The following CLVS1 variants were observed in gnomAD, a reference collection of about 807,000 sequenced individuals.
The protein encoded by CLVS1 is clavesin-1.
A neutral mutation model predicts 33.1 loss-of-function variants in CLVS1; 10 were observed. The ratio of observed to expected loss-of-function variants is 0.30; its 90% confidence interval spans 0.19 to 0.51. The LOEUF is 0.51. CLVS1 is among the 20% of genes least tolerant of loss of function. The probability of loss-of-function intolerance (pLI) is 0.97; values close to 1 mark genes in which losing one functional copy is unlikely to be tolerated. For missense variants in CLVS1, 343 were observed against 433.4 expected, an observed-to-expected ratio of 0.79 and a Z score of 1.85; for synonymous variants, 163 against 166.1, an observed-to-expected ratio of 0.98 and a Z score of 0.14.
At chr8:60,976,133 C>T in the CLVS1 span, among the ~76,000 whole-genome samples, 6 of 152,018 alleles carry the variant, frequency 3.9e-5, no homozygotes, top group Non-Finnish European at 7.4e-5. Flanking sequence ...TTTTTCAATT[C>T]AAGTTACCAG....
At chr8:61,492,082 T>C (rs970876451) in intron 5 of CLVS1, among the ~76,000 whole-genome samples, 5 of 152,210 alleles carry the variant, frequency 3.3e-5, no homozygotes, top group Non-Finnish European at 7.3e-5. Context: ...TTAACATGAC[T>C]ATAGATTTCT....
chr8:61,474,932 G>T (rs531360010), intron 5 of CLVS1, among the ~76,000 whole-genome samples: 8 of 152,258 alleles, frequency 5.3e-5, no homozygotes. Context: ...ATCTCCTAAT[G>T]CTATCCCTCC....
intron 3 of CLVS1, among the ~76,000 whole-genome samples, chr8:61,430,993 C>T (rs1816091662): frequency 6.6e-6 from 1 of 152,096 alleles, no homozygotes; most frequent in African/African-American, 2.4e-5. Flanking sequence ...AAAAAGGAGA[C>T]AAAATAACTA....
chr8:61,356,677 T>A (rs1812721278), intron 2 of CLVS1, among the ~76,000 whole-genome samples: 1 of 152,206 alleles, frequency 6.6e-6, no homozygotes, highest in Admixed American at 6.5e-5. Flanking sequence ...AGGGAATCCT[T>A]TCCCCATTGT....
intron 3 of CLVS1, among the ~76,000 whole-genome samples, chr8:61,379,232 TG>T (rs1813768765): frequency 6.6e-6 from 1 of 152,140 alleles, no homozygotes; most frequent in East Asian, 1.9e-4. Context: ...AAAGTGGCCT[TG>T]TCAGGGGAAA....
chr8:61,303,545 T>C (rs1393226064), intron 2 of CLVS1, among the ~76,000 whole-genome samples: 2 of 152,228 alleles, frequency 1.3e-5, no homozygotes, highest in African/African-American at 4.8e-5. Flanking sequence ...ACTCTCCCAC[T>C]CCACATTTTT....
At chr8:61,202,743 G>A (rs1585685133) in intron 2 of CLVS1, 3 of 1,576,146 alleles carry the variant, frequency 1.9e-6, no homozygotes, top group South Asian at 2.2e-5. Context: ...AAGAGGAGGA[G>A]GATGTGAAAC....
At chr8:60,975,226 C>T in the CLVS1 span, among the ~76,000 whole-genome samples, 1 of 152,288 alleles carries the variant, frequency 6.6e-6, no homozygotes, top group East Asian at 1.9e-4. Flanking sequence ...CCTGCATAAT[C>T]CTGCATTATT....
chr8:61,200,986 G>A (rs914786881), intron 2 of CLVS1, among the ~76,000 whole-genome samples: 3 of 152,138 alleles, frequency 2.0e-5, no homozygotes, highest in Admixed American at 2.0e-4. Flanking sequence ...AGCCATAACC[G>A]ATCATGGTGA....
At position 61,147,907 on chromosome 8, in the gene CLVS1, C is replaced by T. The variant is rs73682182; in HGVS notation, c.-152+16047C>T. Reference sequence around the variant, plus strand: ...CAGGAACCCCTGAGGGGTCTTGGAGCATGATCCAGGGGCCTTATAGTAAAG... The same window carrying T: ...CAGGAACCCCTGAGGGGTCTTGGAGTATGATCCAGGGGCCTTATAGTAAAG... On this transcript the variant is annotated intron_variant, in intron 2 of 2. Coordinates refer to the CLVS1 transcript ENST00000522621. 4.9e-3 allele frequency among the ~76,000 whole-genome samples: 753 copies of T among 152,302 alleles called. 8 individuals carry two copies. Among genetic ancestry groups the T allele is most frequent in the African/African-American group, 0.017 (706 of 41,564 alleles).
chr8:61,221,584 G>A (rs1808218063), intron 2 of CLVS1, among the ~76,000 whole-genome samples: 2 of 152,154 alleles, frequency 1.3e-5, no homozygotes, highest in Non-Finnish European at 2.9e-5. Context: ...GATTCAGTTT[G>A]CCAATATTTT....
At chr8:61,094,173 G>A (rs907916839) in intron 1 of CLVS1, among the ~76,000 whole-genome samples, 5 of 152,116 alleles carry the variant, frequency 3.3e-5, no homozygotes, top group Admixed American at 1.3e-4. Flanking sequence ...TGCTGGACTC[G>A]CCTGTGGCCC....
At chr8:61,424,283 G>T (rs546424197) in intron 3 of CLVS1, among the ~76,000 whole-genome samples, 1 of 152,330 alleles carries the variant, frequency 6.6e-6, no homozygotes, top group South Asian at 2.1e-4. Flanking sequence ...TCAGGGTGCT[G>T]AGGGTTGTGA....
chr8:61,190,027 T>A (rs1391138589), intron 2 of CLVS1, among the ~76,000 whole-genome samples: 1 of 152,186 alleles, frequency 6.6e-6, no homozygotes, highest in African/African-American at 2.4e-5. Context: ...GCAGATCTAA[T>A]AGACATCTAC....
At chr8:61,430,473 C>T (rs983418920) in intron 3 of CLVS1, among the ~76,000 whole-genome samples, 2 of 152,192 alleles carry the variant, frequency 1.3e-5, no homozygotes, top group Admixed American at 6.5e-5. Flanking sequence ...TACTTGTCTT[C>T]CATGTCCAAG....
rs372860477 is a variant in CLVS1, at chr8:61,203,250, T to C, written c.-152+71390T>C. ...TAAGAAAATAGTTTAAACAATTTGT[T>C]AAAAATTTTCCGTCTTATTTCATTT... On this transcript the variant is annotated intron_variant, in intron 2 of 2. Transcript: ENST00000522621. 2.6e-5 allele frequency: 26 copies of C among 1,010,798 alleles called. No homozygotes were observed. In the African/African-American group the frequency reaches 2.7e-4, roughly 10 times the overall value. The allele number at this position is 1,010,798 out of a possible 1,614,324, so 62.6% of individuals were successfully genotyped here.
intron 2 of CLVS1, among the ~76,000 whole-genome samples, chr8:61,213,060 T>C (rs1462662189): frequency 6.6e-6 from 1 of 151,938 alleles, no homozygotes; most frequent in Non-Finnish European, 1.5e-5. Flanking sequence ...CCAGGTAGCA[T>C]TTAATATTAG....
chr8:61,125,408 G>T (rs1260499489), intron 1 of CLVS1, among the ~76,000 whole-genome samples: 2 of 152,080 alleles, frequency 1.3e-5, no homozygotes, highest in Non-Finnish European at 2.9e-5. Flanking sequence ...CCCATAAGGG[G>T]TTACTCAAAA....
chr8:61,391,449 A>C (rs1372556981), intron 3 of CLVS1, among the ~76,000 whole-genome samples: 1 of 152,228 alleles, frequency 6.6e-6, no homozygotes, highest in African/African-American at 2.4e-5. Flanking sequence ...ACACAGGGGT[A>C]GTTGTTGCAG....
Sources: gnomAD v4.1 joint callset for allele counts (sites outside exome capture counted in the v4.1 genomes callset) on GRCh38, gnomAD v4.1.1 for gene constraint, MANE v1.5 for transcripts, NCBI Gene and HGNC (gene_info 2026-07-23, HGNC 2026-07-21) for gene names.